The following DIPK1B variants were observed in gnomAD, a reference collection of about 807,000 sequenced individuals.
The protein encoded by DIPK1B is family with sequence similarity 69 member B.
In DIPK1B, 17 loss-of-function variants were observed where a neutral mutation model predicts 20.7. That is an observed-to-expected ratio of 0.82 (90% CI 0.56 to 1.23). The LOEUF is 1.23. Ranked by LOEUF, DIPK1B falls within the 50% of genes most tolerant of loss-of-function variation. The pLI, the probability that DIPK1B is intolerant of heterozygous loss-of-function variation, is 0.00. For missense variants in DIPK1B, 648 were observed against 601.8 expected (o/e 1.08, Z -0.80); for synonymous variants, 343 against 276.5 (o/e 1.24, Z -2.39).
chr9:136,714,818 G>A (rs1846474301), intron 1 of DIPK1B, among the ~76,000 whole-genome samples: 3 of 152,204 alleles, frequency 2.0e-5, no homozygotes, highest in South Asian at 4.1e-4. Context: ...CCAGCTGCTG[G>A]GGGTCCTCCC....
chr9:136,712,691 A>G lies in DIPK1B; in HGVS notation c.26A>G (p.His9Arg), dbSNP rs1294644737. ...ATGCGGCGGCTGCGGCGCCTGGCGC[A>G]CCTGGTGCTCTTCTGCCCCTTCTCC... The part of the protein sequence containing the change: MRRLRRLA[H>R]LVLFCPFSKR... Residue 9 changes from histidine to arginine, a missense_variant, in exon 1 of 5, where the codon CAC becomes CGC. His to Arg is a conservative substitution (Grantham distance 29). Coordinates refer to ENST00000371692, the MANE Select transcript of DIPK1B (RefSeq NM_152421.4). This position sits in a 1 kb window ranked among gnomAD's most constrained non-coding sequence, Gnocchi z 5.6. The G allele has an allele frequency of 7.5e-6, 10 of 1,338,988 alleles. No homozygotes were observed. Among genetic ancestry groups the G allele is most frequent in the African/African-American group, 1.5e-5 (1 of 64,952 alleles). 82.9% of individuals were successfully genotyped at this position (1,338,988 alleles called of 1,614,324 possible). A position where few individuals can be genotyped will look rare whatever the true frequency, so the allele number is the denominator to read the frequency against.
chr9:136,713,097 C>G (rs556044966), intron 1 of DIPK1B, among the ~76,000 whole-genome samples: 211 of 152,290 alleles, frequency 1.4e-3, no homozygotes, highest in African/African-American at 5.1e-3. Flanking sequence ...AACGCCCTGG[C>G]AAGGACATGA....
intron 2 of DIPK1B, among the ~76,000 whole-genome samples, chr9:136,718,166 G>A (rs1174392753): frequency 1.7e-5 from 2 of 119,000 alleles, no homozygotes; most frequent in African/African-American, 5.9e-5. Context: ...GGCCTCACTG[G>A]CCTGGGATAG....
intron 1 of DIPK1B, 44 bp from the exon 2 acceptor site, chr9:136,717,533 G>C (rs1846515868): frequency 6.3e-7 from 1 of 1,580,730 alleles, no homozygotes; most frequent in African/African-American, 1.3e-5. Flanking sequence ...CCCTGAGCCT[G>C]GGTGCCCCGA....
intron 2 of DIPK1B, among the ~76,000 whole-genome samples, chr9:136,719,604 G>A (rs1057090928): frequency 1.3e-5 from 2 of 152,200 alleles, no homozygotes; most frequent in Non-Finnish European, 1.5e-5. Context: ...TGAGGGGACC[G>A]ATGTGCGGCA....
chr9:136,718,006 T>C (rs997559843), intron 2 of DIPK1B, among the ~76,000 whole-genome samples: 1 of 151,632 alleles, frequency 6.6e-6, no homozygotes, highest in Non-Finnish European at 1.5e-5. Context: ...CCAGAAATCT[T>C]TGGGAGGGAG....
In DIPK1B at chr9:136,712,817, G is replaced by T. The variant is rs1846445406; in HGVS notation, c.63+89G>T. On this transcript the variant is annotated intron_variant, in intron 1 of 4. Transcript: ENST00000371692. The surrounding 1 kb of genome is among the most constrained non-coding windows in gnomAD (Gnocchi z 5.6). The stretch of plus-strand genomic sequence containing the variant: ...CGGAGTGGGCCGAGTACGGAGCGGG[G>T]CCCCGGGTTCGGACACGAAGGGTTC... 2.0e-6 allele frequency: 2 copies of T among 992,986 alleles called. No individual in the cohort carries two copies. The highest frequency in any genetic ancestry group is 2.6e-6 in the Non-Finnish European group (2 of 773,360). The allele number at this position is 992,986 out of a possible 1,614,324, so 61.5% of individuals were successfully genotyped here.
At position 136,712,689 on chromosome 9, in the gene DIPK1B, G is replaced by T. The variant is rs976869893; in HGVS notation, c.24G>T (p.Ala8=). 18 of 1,328,944 alleles carry T rather than the reference G, an allele frequency of 1.4e-5. No homozygotes were observed. The highest frequency in any genetic ancestry group is 6.2e-5 in the African/African-American group (4 of 64,934). 82.3% of individuals were successfully genotyped at this position (1,328,944 alleles called of 1,614,324 possible). MRRLRRL[A]HLVLFCPFSK... ...CCATGCGGCGGCTGCGGCGCCTGGCGCACCTGGTGCTCTTCTGCCCCTTCT... is the reference window on the plus strand; with the variant it reads ...CCATGCGGCGGCTGCGGCGCCTGGCTCACCTGGTGCTCTTCTGCCCCTTCT... Residue 8 remains alanine, a synonymous_variant, in exon 1 of 5, where the codon GCG becomes GCT. Transcript: ENST00000371692. This position sits in a 1 kb window ranked among gnomAD's most constrained non-coding sequence, Gnocchi z 5.6.
At chr9:136,714,112 T>G (rs373064382) in intron 1 of DIPK1B, among the ~76,000 whole-genome samples, 2 of 152,174 alleles carry the variant, frequency 1.3e-5, no homozygotes, top group East Asian at 1.9e-4. Flanking sequence ...GTGGGGGCCT[T>G]GCAGAGCAGC....
At position 136,712,604 on chromosome 9, in the gene DIPK1B, G is replaced by C; in HGVS notation, c.-62G>C. On this transcript the variant is annotated 5_prime_UTR_variant, in exon 1 of 5. Coordinates refer to ENST00000371692, the MANE Select transcript of DIPK1B (RefSeq NM_152421.4). The surrounding 1 kb of genome is among the most constrained non-coding windows in gnomAD (Gnocchi z 5.6). ...GGGAGCGGCGGCCGCTGCGGGCCGG[G>C]CCGGGCCGGGGCTGAGGCCGAGCGA... 4.9e-6 allele frequency: 4 copies of C among 809,524 alleles called. No homozygotes were observed. The highest frequency in any genetic ancestry group is 6.0e-6 in the Non-Finnish European group (4 of 670,480). The allele number at this position is 809,524 out of a possible 1,614,324, so 50.1% of individuals were successfully genotyped here. A position where few individuals can be genotyped will look rare whatever the true frequency, so the allele number is the denominator to read the frequency against.
At chr9:136,721,789 C>T in intron 2 of DIPK1B, 132 bp from the exon 3 acceptor site, 3 of 758,570 alleles carry the variant, frequency 4.0e-6, no homozygotes, top group Non-Finnish European at 6.4e-6. Flanking sequence ...CCCGGCACTG[C>T]CTGTGTGAGG....
Position 136,722,159 on chromosome 9 carries a change from C to A in DIPK1B, c.341C>A (p.Thr114Asn), listed in dbSNP as rs1564310462. The change falls in exon 4 of 5, where the codon ACC becomes AAC. Residue 114 changes from threonine (T) to asparagine (N), a missense_variant. By Grantham distance (65) the Thr-to-Asn change is moderately conservative. Coordinates refer to ENST00000371692, the MANE Select transcript of DIPK1B (RefSeq NM_152421.4). The stretch of plus-strand genomic sequence containing the variant: ...GGGCTCTGGCGGGACAAGGATGTAA[C>A]CATCAAGTGTGGCATTGAGGAGACC... ...YSGLWRDKDV[T>N]IKCGIEETLD... 1.9e-6 allele frequency: 3 copies of A among 1,613,998 alleles called. No individual in the cohort carries two copies. In the Admixed American group the frequency reaches 5.0e-5, roughly 27 times the overall value.
At chr9:136,715,690 T>G (rs1846486929) in intron 1 of DIPK1B, among the ~76,000 whole-genome samples, 1 of 151,474 alleles carries the variant, frequency 6.6e-6, no homozygotes, top group Admixed American at 6.6e-5. Flanking sequence ...AATTTTGTAT[T>G]TTTAGTAGGG....
chr9:136,713,054 T>C (rs1268834616), intron 1 of DIPK1B, among the ~76,000 whole-genome samples: 2 of 152,104 alleles, frequency 1.3e-5, no homozygotes, highest in Non-Finnish European at 2.9e-5. Context: ...ATGAGGTGTG[T>C]TATTCTGCGG....
In DIPK1B at chr9:136,712,915, G is replaced by A. The variant is rs1846447163; in HGVS notation, c.63+187G>A. 6.6e-6 allele frequency among the ~76,000 whole-genome samples: 1 copy of A among 152,178 alleles called. No individual in the cohort carries two copies. The highest frequency in any genetic ancestry group is 1.5e-5 in the Non-Finnish European group (1 of 67,998). On this transcript the variant is annotated intron_variant, in intron 1 of 4. Coordinates refer to ENST00000371692, the MANE Select transcript of DIPK1B (RefSeq NM_152421.4). The surrounding 1 kb of genome is among the most constrained non-coding windows in gnomAD (Gnocchi z 5.6). ...ACGGGACGCTGGGGGAGGGGCGGTG[G>A]CGGCGACAGGAGGGTCCGGGCGCGG...
In DIPK1B at chr9:136,723,084, G is replaced by C. The variant is rs768951457; in HGVS notation, c.606G>C (p.Gln202His). 3 of 1,613,644 alleles carry C rather than the reference G, an allele frequency of 1.9e-6. No individual in the cohort carries two copies. The Admixed American group carries it at 5.0e-5, about 27-fold the overall frequency. Reference protein sequence around the residue: ...AEAKSVWALLQRNEFLLLLSL... With the variant: ...AEAKSVWALLHRNEFLLLLSL... ...CCAAGTCCGTGTGGGCCCTGCTGCA[G>C]CGTAACGAGTTCCTGCTGCTGCTGT... Residue 202 changes from glutamine (Q) to histidine (H), a missense_variant, in exon 5 of 5, where the codon CAG becomes CAC. By Grantham distance (24) the Gln-to-His change is conservative (BLOSUM62 0). Coordinates refer to ENST00000371692, the MANE Select transcript of DIPK1B (RefSeq NM_152421.4).
In DIPK1B at chr9:136,724,177, G is replaced by T. The variant is rs1215058042; in HGVS notation, c.*403G>T. On this transcript the variant is annotated 3_prime_UTR_variant, in exon 5 of 5. Transcript: ENST00000371692. ...CTGGCGAGGCAGCCCTCAGGTGTTA[G>T]TCCAAGGTGAGGTCTATTGCAGAGC... is the stretch of plus-strand genomic sequence containing the variant. The T allele has an allele frequency of 1.6e-5, 4 of 244,296 alleles. No individual in the cohort carries two copies. The highest frequency in any genetic ancestry group is 3.3e-5 in the Non-Finnish European group (4 of 122,924). The allele number at this position is 244,296 out of a possible 1,614,324, so 15.1% of individuals were successfully genotyped here.
chr9:136,712,732 A>G lies in DIPK1B; in HGVS notation c.63+4A>G. ...CCCCTTCTCCAAGCGCCTGCAGGTAAGCGCGGTGCGCGCCCGCCGCCCCCG... is the reference window on the plus strand; with the variant it reads ...CCCCTTCTCCAAGCGCCTGCAGGTAGGCGCGGTGCGCGCCCGCCGCCCCCG... On this transcript the variant is annotated splice_donor_region_variant and intron_variant, in intron 1 of 4. Transcript: ENST00000371692. The surrounding 1 kb of genome is among the most constrained non-coding windows in gnomAD (Gnocchi z 5.6). The G allele has an allele frequency of 1.5e-6, 2 of 1,345,072 alleles. No individual in the cohort carries two copies. Among genetic ancestry groups the G allele is most frequent in the Non-Finnish European group, 1.9e-6 (2 of 1,052,338 alleles). The allele number at this position is 1,345,072 out of a possible 1,614,324, so 83.3% of individuals were successfully genotyped here. A position where few individuals can be genotyped will look rare whatever the true frequency, so the allele number is the denominator to read the frequency against.
chr9:136,720,440 T>C (rs887185964), intron 2 of DIPK1B, among the ~76,000 whole-genome samples: 2 of 151,964 alleles, frequency 1.3e-5, no homozygotes, highest in Admixed American at 1.3e-4. Flanking sequence ...CCAGGCTCCA[T>C]GGCAACTGAG....
Sources: gnomAD v4.1 joint callset for allele counts (sites outside exome capture counted in the v4.1 genomes callset) on GRCh38, gnomAD v4.1.1 for gene constraint, Gnocchi (gnomAD v3.1) non-coding constraint, MANE v1.5 for transcripts, NCBI Gene and HGNC (gene_info 2026-07-23, HGNC 2026-07-21) for gene names.